COG5: variants seen among roughly 807,000 people sequenced by gnomAD.
COG5 encodes the protein component of oligomeric golgi complex 5, also known as conserved oligomeric Golgi complex subunit 5.
A neutral mutation model predicts 110.4 loss-of-function variants in COG5; 86 were observed. The observed-to-expected ratio is 0.78, with a 90% CI of 0.65 to 0.93. COG5 has a LOEUF of 0.93. Ranked by LOEUF, COG5 falls within the 40% of genes least tolerant of loss-of-function variation. COG5 has a pLI of 0.00. For synonymous variants in COG5, 360 were observed against 334.6 expected, an observed-to-expected ratio of 1.08 and a Z score of -0.83; for missense variants, 1,077 against 987.0, an observed-to-expected ratio of 1.09 and a Z score of -1.22.
intron 5 of COG5, among the ~76,000 whole-genome samples, chr7:107,532,642 T>C (rs1413267665): frequency 6.6e-6 from 1 of 152,160 alleles, no homozygotes; most frequent in Non-Finnish European, 1.5e-5. Context: ...GATTTAGCCT[T>C]CTTACATCTA....
At chr7:107,268,895 A>G (rs769683641) in intron 14 of COG5, among the ~76,000 whole-genome samples, 1 of 152,194 alleles carries the variant, frequency 6.6e-6, no homozygotes, top group South Asian at 2.1e-4. Flanking sequence ...TGTCACACGA[A>G]GCTGAATTCA....
At chr7:107,524,481 AC>A (rs1800585336) in intron 6 of COG5, among the ~76,000 whole-genome samples, 1 of 152,222 alleles carries the variant, frequency 6.6e-6, no homozygotes, top group Non-Finnish European at 1.5e-5. Flanking sequence ...AAACAGAACC[AC>A]ACTGATAAAG....
chr7:107,339,240 C>T (rs908108499), intron 10 of COG5, among the ~76,000 whole-genome samples: 1 of 152,044 alleles, frequency 6.6e-6, no homozygotes, highest in Non-Finnish European at 1.5e-5. Context: ...TCAGATAAAA[C>T]AGACTTTAAT....
chr7:107,495,952 A>T (rs975938367), intron 6 of COG5, among the ~76,000 whole-genome samples: 17 of 148,450 alleles, frequency 1.1e-4, no homozygotes, highest in African/African-American at 2.7e-4. Context: ...TTTTTTAATT[A>T]TTTTTTTTTT....
In COG5 at chr7:107,255,707, T is replaced by C. The variant is rs965006501; in HGVS notation, c.1749+1025A>G. ...TGTGTAGGCTTATTGTACCATTTTATAGATGCAGAAACTAAGGCAAGAGAG... is the reference window on the plus strand; with the variant it reads ...TGTGTAGGCTTATTGTACCATTTTACAGATGCAGAAACTAAGGCAAGAGAG... On this transcript the variant is annotated intron_variant, in intron 16 of 21. Coordinates refer to ENST00000297135, the MANE Select transcript of COG5 (RefSeq NM_006348.5). Among the ~76,000 whole-genome samples, 9 of 152,254 alleles carry C rather than the reference T, an allele frequency of 5.9e-5. No homozygotes were observed. In the East Asian group the frequency reaches 1.4e-3, roughly 23 times the overall value.
chr7:107,303,118 T>C (rs12537342), intron 11 of COG5, among the ~76,000 whole-genome samples: 24,392 of 151,892 alleles, frequency 0.16, 2,346 homozygotes, highest in Non-Finnish European at 0.22. Flanking sequence ...TTCTTAGAGA[T>C]GAGGTCTCAC....
At chr7:107,396,305 A>G (rs1294534430) in intron 7 of COG5, among the ~76,000 whole-genome samples, 2 of 152,160 alleles carry the variant, frequency 1.3e-5, no homozygotes, top group African/African-American at 4.8e-5. Context: ...GTAACATGCA[A>G]CCCATTAATG....
rs1280507715 is a variant in COG5, at chr7:107,202,139, G to A, written c.*1377C>T. The A allele has an allele frequency of 6.5e-6, 1 of 152,680 alleles. No homozygotes were observed. Among genetic ancestry groups the A allele is most frequent in the Non-Finnish European group, 1.5e-5 (1 of 68,042 alleles). 9.5% of individuals were successfully genotyped at this position (152,680 alleles called of 1,614,324 possible). ...TTAATAGCATTGGGATATAGTCACT[G>A]TAATGGTGCTATTAACAAACAGTCA... On this transcript the variant is annotated 3_prime_UTR_variant, in exon 22 of 22. Transcript: ENST00000297135.
At chr7:107,219,401 T>C (rs1015162779) in intron 19 of COG5, among the ~76,000 whole-genome samples, 1 of 152,176 alleles carries the variant, frequency 6.6e-6, no homozygotes, top group Non-Finnish European at 1.5e-5. Context: ...CAATGCAGCA[T>C]TATTTACGAT....
Position 107,236,769 on chromosome 7 carries a change from C to A in COG5, c.1854-82G>T, listed in dbSNP as rs76649359. 18,078 of 882,140 alleles carry A rather than the reference C, an allele frequency of 0.02. 853 individuals are homozygous for A. The highest frequency in any genetic ancestry group is 0.14 in the African/African-American group (8,405 of 60,814). 54.6% of individuals were successfully genotyped at this position (882,140 alleles called of 1,614,324 possible). A position where few individuals can be genotyped will look rare whatever the true frequency, so the allele number is the denominator to read the frequency against. Reference sequence around the variant, plus strand: ...TTTTGTACCCCTCTCCCCACCAATGCTGCTATTTCAATCCTTTGTAATGTT... The same window carrying A: ...TTTTGTACCCCTCTCCCCACCAATGATGCTATTTCAATCCTTTGTAATGTT... On this transcript the variant is annotated intron_variant, in intron 17 of 21. Transcript: ENST00000297135.
intron 19 of COG5, among the ~76,000 whole-genome samples, chr7:107,224,346 T>C (rs1800168592): frequency 1.3e-5 from 2 of 152,222 alleles, no homozygotes; most frequent in Non-Finnish European, 2.9e-5. Context: ...ATTACTCCTA[T>C]AATTAAAAAC....
chr7:107,248,167 GT>G (rs1802192734), intron 17 of COG5, among the ~76,000 whole-genome samples: 1 of 152,022 alleles, frequency 6.6e-6, no homozygotes, highest in Non-Finnish European at 1.5e-5. Flanking sequence ...ACGTGATACT[GT>G]TCATAAAGAA....
chr7:107,248,072 C>T (rs1300501289), intron 17 of COG5, among the ~76,000 whole-genome samples: 1 of 152,048 alleles, frequency 6.6e-6, no homozygotes, highest in Non-Finnish European at 1.5e-5. Context: ...GGAGATGGTA[C>T]AAACTACCAA....
intron 1 of COG5, chr7:107,563,514 GC>G: frequency 2.1e-6 from 1 of 467,294 alleles, no homozygotes; most frequent in East Asian, 4.1e-5. Context: ...CAGGGTTTGG[GC>G]TCCCGAAACT....
At chr7:107,230,752 A>G in intron 18 of COG5, 61 bp from the exon 19 acceptor site, 2 of 1,308,174 alleles carry the variant, frequency 1.5e-6, no homozygotes, top group Non-Finnish European at 1.1e-6. Context: ...AATTTGGGAA[A>G]GACCCGGATC....
At chr7:107,247,900 T>C (rs561479533) in intron 17 of COG5, among the ~76,000 whole-genome samples, 9 of 152,192 alleles carry the variant, frequency 5.9e-5, no homozygotes, top group African/African-American at 1.9e-4. Context: ...TTGGAGGAGG[T>C]TGGGCTGCAG....
intron 10 of COG5, among the ~76,000 whole-genome samples, chr7:107,327,117 TAG>T (rs1001408340): frequency 1.3e-5 from 2 of 151,312 alleles, no homozygotes; most frequent in African/African-American, 4.9e-5. Flanking sequence ...ACCAATGGAG[TAG>T]AGAGACAAAA....
chr7:107,494,695 C>T (rs984400430), intron 6 of COG5, among the ~76,000 whole-genome samples: 4 of 152,130 alleles, frequency 2.6e-5, no homozygotes, highest in Non-Finnish European at 5.9e-5. Context: ...CATCATTAAA[C>T]GATGAATAAC....
intron 6 of COG5, among the ~76,000 whole-genome samples, chr7:107,461,366 C>A (rs1043129941): frequency 1.3e-5 from 2 of 150,824 alleles, no homozygotes; most frequent in African/African-American, 2.4e-5. Flanking sequence ...TGGAAAAAAT[C>A]TTAAATAATG....
Sources: gnomAD v4.1 joint callset for allele counts (sites outside exome capture counted in the v4.1 genomes callset) on GRCh38, gnomAD v4.1.1 for gene constraint, MANE v1.5 for transcripts, NCBI Gene and HGNC (gene_info 2026-07-23, HGNC 2026-07-21) for gene names.